Variants in PDE1C observed in about 807,000 individuals in gnomAD.
PDE1C encodes the protein dual specificity calcium/calmodulin-dependent 3',5'-cyclic nucleotide phosphodiesterase 1C.
PDE1C carries 62 observed loss-of-function variants against 93.1 expected under a neutral mutation model. The ratio of observed to expected loss-of-function variants is 0.67; its 90% confidence interval spans 0.54 to 0.82. The LOEUF (loss-of-function observed/expected upper bound fraction) is 0.82, where lower values mean the gene tolerates loss of function less well. Among genes scored for constraint, PDE1C ranks in the 40% least tolerant of loss-of-function variants. The pLI is 0.00. For synonymous variants in PDE1C, 325 were observed against 310.1 expected (o/e 1.05, Z -0.50); for missense variants, 742 against 884.6 (o/e 0.84, Z 2.04).
intron 1 of PDE1C, among the ~76,000 whole-genome samples, chr7:32,234,203 T>A (rs1807913004): frequency 6.6e-6 from 1 of 151,940 alleles, no homozygotes; most frequent in Non-Finnish European, 1.5e-5. Context: ...AAAAGAGTTA[T>A]TAAATAAGTA....
the PDE1C span, among the ~76,000 whole-genome samples, chr7:31,710,893 A>C: frequency 6.6e-6 from 1 of 152,220 alleles, no homozygotes; most frequent in African/African-American, 2.4e-5. Context: ...TGACCCAAAA[A>C]TCAGGGCAGA....
chr7:31,942,539 T>C (rs1440944482), intron 2 of PDE1C, among the ~76,000 whole-genome samples: 1 of 152,266 alleles, frequency 6.6e-6, no homozygotes, highest in East Asian at 1.9e-4. Context: ...AATGGTTGTG[T>C]GCTGCCCTTT....
chr7:32,106,480 C>T (rs1038184535), intron 3 of PDE1C, among the ~76,000 whole-genome samples: 4 of 152,002 alleles, frequency 2.6e-5, no homozygotes, highest in Non-Finnish European at 5.9e-5. Flanking sequence ...AGGGGAGAAA[C>T]TGAGAGGAAA....
chr7:32,224,414 C>T (rs1412708533), intron 1 of PDE1C, among the ~76,000 whole-genome samples: 1 of 151,960 alleles, frequency 6.6e-6, no homozygotes, highest in Non-Finnish European at 1.5e-5. Context: ...GCAGACCTAA[C>T]TTGGAATCCT....
At chr7:31,969,693 A>G (rs1810612554) in intron 2 of PDE1C, among the ~76,000 whole-genome samples, 2 of 152,182 alleles carry the variant, frequency 1.3e-5, no homozygotes, top group South Asian at 2.1e-4. Flanking sequence ...ACATGCACAC[A>G]TATGTTTATT....
chr7:32,225,022 T>TAAAAAA (rs58376421), intron 1 of PDE1C, among the ~76,000 whole-genome samples: 16,313 of 100,164 alleles, frequency 0.16, 986 homozygotes, highest in East Asian at 0.32. Context: ...CTTTCTTATT[T>TAAAAAA]AAAAAAAAAA....
At chr7:31,973,322 T>G (rs949664865) in intron 2 of PDE1C, among the ~76,000 whole-genome samples, 2 of 152,108 alleles carry the variant, frequency 1.3e-5, no homozygotes, top group African/African-American at 4.8e-5. Flanking sequence ...ACTTCCCATA[T>G]TTGCTAAAAA....
At chr7:32,215,457 A>T (rs6462345) in intron 1 of PDE1C, among the ~76,000 whole-genome samples, 1 of 152,182 alleles carries the variant, frequency 6.6e-6, no homozygotes, top group Non-Finnish European at 1.5e-5. Context: ...AAGCAGCAAT[A>T]TAAAGGACAT....
intron 16 of PDE1C, among the ~76,000 whole-genome samples, chr7:31,782,598 C>G (rs1327145520): frequency 6.6e-6 from 1 of 152,184 alleles, no homozygotes; most frequent in Non-Finnish European, 1.5e-5. Flanking sequence ...AGTATCACCA[C>G]TAGAGGGTTC....
At chr7:32,183,626 C>T (rs1332147379) in intron 2 of PDE1C, among the ~76,000 whole-genome samples, 1 of 152,166 alleles carries the variant, frequency 6.6e-6, no homozygotes. Context: ...GGATCCCTTC[C>T]TTACACCTTA....
At chr7:32,047,060 AGAGT>A (rs1473386742) in intron 2 of PDE1C, among the ~76,000 whole-genome samples, 1 of 75,488 alleles carries the variant, frequency 1.3e-5, no homozygotes, top group Non-Finnish European at 2.7e-5. Context: ...TGTGCGAGAC[AGAGT>A]GTGTGTGTGT....
At chr7:31,879,885 C>T (rs1373360880) in intron 3 of PDE1C, among the ~76,000 whole-genome samples, 1 of 152,080 alleles carries the variant, frequency 6.6e-6, no homozygotes, top group Non-Finnish European at 1.5e-5. Flanking sequence ...GTAAAAGTAG[C>T]TGCCAATGTA....
At chr7:31,625,410 G>A in the PDE1C span, among the ~76,000 whole-genome samples, 1 of 151,886 alleles carries the variant, frequency 6.6e-6, no homozygotes, top group Non-Finnish European at 1.5e-5. Context: ...AAGAAAATGT[G>A]GCACATATAC....
chr7:31,922,261 T>C (rs529342610), intron 2 of PDE1C, among the ~76,000 whole-genome samples: 48 of 152,328 alleles, frequency 3.2e-4, no homozygotes, highest in African/African-American at 1.0e-3. Flanking sequence ...GGAAATACTT[T>C]GGAAACACTA....
chr7:31,703,837 A>G, the PDE1C span, among the ~76,000 whole-genome samples: 1 of 152,180 alleles, frequency 6.6e-6, no homozygotes, highest in South Asian at 2.1e-4. Context: ...TTAGTTAATG[A>G]GCTTACTTGA....
chr7:32,168,480 TAAG>T lies in PDE1C; in HGVS notation c.308+1302_308+1304del, dbSNP rs1329229454. Among the ~76,000 whole-genome samples, 4 of 152,186 alleles carry T rather than the reference TAAG, an allele frequency of 2.6e-5. No homozygotes were observed. The East Asian group carries it at 7.7e-4, about 29-fold the overall frequency. On this transcript the variant is annotated intron_variant, in intron 3 of 18. Coordinates refer to the PDE1C transcript ENST00000396193. ...TGGTTTAGGGTGGAAGGAGTAGTTATAAGAAACCTTAGGAGAAGGGATTGACTC... is the reference window on the plus strand; with the variant it reads ...TGGTTTAGGGTGGAAGGAGTAGTTATAAACCTTAGGAGAAGGGATTGACTC...
chr7:32,195,509 A>T (rs1370422426), intron 2 of PDE1C, among the ~76,000 whole-genome samples: 1 of 152,084 alleles, frequency 6.6e-6, no homozygotes, highest in Non-Finnish European at 1.5e-5. Context: ...TATGAGTAAG[A>T]TGTCTCTTTT....
intron 1 of PDE1C, among the ~76,000 whole-genome samples, chr7:32,056,928 C>G (rs1200845527): frequency 6.6e-6 from 1 of 152,188 alleles, no homozygotes; most frequent in African/African-American, 2.4e-5. Context: ...AGCTGAAACA[C>G]TGCCCAGCTT....
chr7:31,799,904 C>T (rs1380110855), intron 16 of PDE1C, among the ~76,000 whole-genome samples: 3 of 151,834 alleles, frequency 2.0e-5, no homozygotes, highest in Admixed American at 6.6e-5. Context: ...TGTGTCCTGA[C>T]AGCCACAGTG....
Sources: allele counts gnomAD v4.1 joint callset (sites outside exome capture counted in the v4.1 genomes callset), GRCh38; gene constraint gnomAD v4.1.1; transcripts MANE v1.5; gene names NCBI Gene and HGNC (gene_info 2026-07-23, HGNC 2026-07-21).